Variants in SCHIP1 observed in about 807,000 individuals in gnomAD.
SCHIP1 encodes schwannomin-interacting protein 1.
Under a neutral mutation model 29.7 loss-of-function variants are expected in SCHIP1, and 8 were observed. The ratio of observed to expected loss-of-function variants is 0.27; its 90% confidence interval spans 0.16 to 0.49. The LOEUF is 0.49. Ranked by LOEUF, SCHIP1 falls within the 20% of genes least tolerant of loss-of-function variation. The pLI is 0.99. For synonymous variants in SCHIP1, 76 were observed against 94.9 expected (o/e 0.80, Z 1.16); for missense variants, 193 against 294.6 (o/e 0.66, Z 2.52).
chr3:159,714,496 T>A, the SCHIP1 span, among the ~76,000 whole-genome samples: 1 of 152,170 alleles, frequency 6.6e-6, no homozygotes, highest in South Asian at 2.1e-4. Context: ...CTTTCGTAGC[T>A]AAGGGAAGCC....
the SCHIP1 span, among the ~76,000 whole-genome samples, chr3:159,702,526 C>T: frequency 6.6e-6 from 1 of 152,210 alleles, no homozygotes; most frequent in African/African-American, 2.4e-5. Context: ...TTTTCCATGA[C>T]AGTTCATAAA....
the SCHIP1 span, among the ~76,000 whole-genome samples, chr3:159,484,177 T>C: frequency 6.6e-6 from 1 of 152,160 alleles, no homozygotes; most frequent in Non-Finnish European, 1.5e-5. Context: ...ATTATGAACA[T>C]GCATGTTACA....
chr3:159,796,396 G>A, the SCHIP1 span, among the ~76,000 whole-genome samples: 1 of 152,150 alleles, frequency 6.6e-6, no homozygotes, highest in African/African-American at 2.4e-5. Flanking sequence ...TGTTGGGCTG[G>A]CACAAAGTGA....
At chr3:159,273,414 A>G in the SCHIP1 span, 24 of 1,010,472 alleles carry the variant, frequency 2.4e-5, no homozygotes, top group Admixed American at 5.4e-5. Context: ...AGTAGATCAG[A>G]TGATAGCATG....
chr3:159,604,992 A>G, the SCHIP1 span, among the ~76,000 whole-genome samples: 51 of 152,350 alleles, frequency 3.3e-4, no homozygotes, highest in African/African-American at 1.1e-3. Flanking sequence ...TAACAGAGCT[A>G]CTGACTTAAT....
chr3:159,763,148 G>A, the SCHIP1 span, among the ~76,000 whole-genome samples: 7 of 152,204 alleles, frequency 4.6e-5, no homozygotes, highest in Non-Finnish European at 7.3e-5. Flanking sequence ...CCTGAACTTG[G>A]AAGGGGATGC....
chr3:159,870,269 A>G (rs1431646975), intron 2 of SCHIP1, among the ~76,000 whole-genome samples: 2 of 152,008 alleles, frequency 1.3e-5, no homozygotes, highest in African/African-American at 4.8e-5. Flanking sequence ...AGGATTAGAA[A>G]TAGTAGTAGT....
chr3:159,386,642 A>G, the SCHIP1 span: 1 of 152,248 alleles, frequency 6.6e-6, no homozygotes, highest in Non-Finnish European at 1.5e-5. Flanking sequence ...ATTTCAAACT[A>G]TACTACAAGG....
the SCHIP1 span, among the ~76,000 whole-genome samples, chr3:159,526,251 C>T: frequency 0.029 from 4,452 of 152,264 alleles, 223 homozygotes; most frequent in African/African-American, 0.1. Context: ...TCACTGCAGC[C>T]TTGACCTCCT....
chr3:159,484,767 C>G, the SCHIP1 span, among the ~76,000 whole-genome samples: 37 of 152,184 alleles, frequency 2.4e-4, no homozygotes, highest in African/African-American at 8.2e-4. Flanking sequence ...TTTAGGAGAA[C>G]AATTACAAAG....
chr3:159,801,790 T>G, the SCHIP1 span, among the ~76,000 whole-genome samples: 29 of 152,298 alleles, frequency 1.9e-4, no homozygotes, highest in South Asian at 6.0e-3. Context: ...AATCACTTTT[T>G]CTTTCTATTT....
chr3:159,709,776 C>A, the SCHIP1 span, among the ~76,000 whole-genome samples: 1 of 152,184 alleles, frequency 6.6e-6, no homozygotes, highest in Admixed American at 6.5e-5. Flanking sequence ...GAACAGATGT[C>A]TATTAGAAAT....
chr3:159,359,179 GC>G, the SCHIP1 span, among the ~76,000 whole-genome samples: 2 of 152,018 alleles, frequency 1.3e-5, no homozygotes, highest in East Asian at 3.9e-4. Flanking sequence ...GCCCACCACA[GC>G]CTCCCAAAGT....
the SCHIP1 span, among the ~76,000 whole-genome samples, chr3:159,287,384 T>C: frequency 6.6e-6 from 1 of 151,982 alleles, no homozygotes; most frequent in Non-Finnish European, 1.5e-5. Context: ...TTGGGGCACT[T>C]GTGCATGAAT....
At chr3:159,430,501 C>A in the SCHIP1 span, among the ~76,000 whole-genome samples, 2 of 152,046 alleles carry the variant, frequency 1.3e-5, no homozygotes, top group Admixed American at 6.5e-5. Flanking sequence ...TTTCCCAGAA[C>A]TTTTTTGTGC....
chr3:159,343,410 A>G, the SCHIP1 span, among the ~76,000 whole-genome samples: 2 of 152,184 alleles, frequency 1.3e-5, no homozygotes, highest in Non-Finnish European at 2.9e-5. Context: ...TGATCGTAGG[A>G]GTGTAGGAAA....
the SCHIP1 span, among the ~76,000 whole-genome samples, chr3:159,339,395 TCAG>T: frequency 6.6e-6 from 1 of 152,182 alleles, no homozygotes; most frequent in Non-Finnish European, 1.5e-5. Flanking sequence ...TTAGTCCCTG[TCAG>T]CAGGCTTGAA....
At chr3:159,314,789 A>G in the SCHIP1 span, among the ~76,000 whole-genome samples, 3 of 152,178 alleles carry the variant, frequency 2.0e-5, no homozygotes, top group Non-Finnish European at 4.4e-5. Context: ...TGTTTAAGCC[A>G]ATTTGAGTTT....
At chr3:159,550,753 C>A in the SCHIP1 span, among the ~76,000 whole-genome samples, 3 of 151,996 alleles carry the variant, frequency 2.0e-5, no homozygotes, top group African/African-American at 7.2e-5. Flanking sequence ...TTAGGGTGAA[C>A]TATAAATAAT....
Sources: gnomAD v4.1 joint callset for allele counts (sites outside exome capture counted in the v4.1 genomes callset) on GRCh38, gnomAD v4.1.1 for gene constraint, MANE v1.5 for transcripts, NCBI Gene and HGNC (gene_info 2026-07-23, HGNC 2026-07-21) for gene names.